The following PARD3B variants were observed in gnomAD, a reference collection of about 807,000 sequenced individuals.
PARD3B encodes partitioning defective 3 homolog B.
A neutral mutation model predicts 130.2 loss-of-function variants in PARD3B; 103 were observed. The observed-to-expected ratio is 0.79, with a 90% CI of 0.67 to 0.93. The LOEUF is 0.93. PARD3B is among the 40% of genes least tolerant of loss of function. PARD3B has a pLI of 0.00. For synonymous variants in PARD3B, 583 were observed against 553.2 expected, an observed-to-expected ratio of 1.05 and a Z score of -0.76; for missense variants, 1,609 against 1,499.2, an observed-to-expected ratio of 1.07 and a Z score of -1.21.
intron 4 of PARD3B, among the ~76,000 whole-genome samples, chr2:205,073,875 C>G (rs572126827): frequency 6.6e-6 from 1 of 152,222 alleles, no homozygotes; most frequent in South Asian, 2.1e-4. Flanking sequence ...TGTAGTTTCA[C>G]TGCTTATAAA....
chr2:205,033,461 A>T (rs1697569690), intron 3 of PARD3B, among the ~76,000 whole-genome samples: 1 of 152,082 alleles, frequency 6.6e-6, no homozygotes, highest in Admixed American at 6.6e-5. Flanking sequence ...ACACTCCCAA[A>T]TTAAGGCTTT....
At chr2:205,026,221 T>C (rs1222240370) in intron 3 of PARD3B, among the ~76,000 whole-genome samples, 1 of 152,140 alleles carries the variant, frequency 6.6e-6, no homozygotes, top group Non-Finnish European at 1.5e-5. Flanking sequence ...GAGAACATTC[T>C]ACGCAGAGGG....
At chr2:205,319,713 A>G (rs905872596) in intron 18 of PARD3B, among the ~76,000 whole-genome samples, 2 of 152,184 alleles carry the variant, frequency 1.3e-5, no homozygotes, top group Admixed American at 6.5e-5. Context: ...CATAGTGTAC[A>G]TTCAACAATG....
intron 10 of PARD3B, among the ~76,000 whole-genome samples, chr2:205,131,961 T>C (rs2032043745): frequency 6.6e-6 from 1 of 152,154 alleles, no homozygotes; most frequent in African/African-American, 2.4e-5. Flanking sequence ...CTATCACTTA[T>C]TGATTAAATG....
At chr2:205,573,741 CT>C (rs1032012359) in intron 22 of PARD3B, among the ~76,000 whole-genome samples, 2 of 152,046 alleles carry the variant, frequency 1.3e-5, no homozygotes, top group East Asian at 1.9e-4. Context: ...AAAAAGCCAA[CT>C]TTTTTTTACA....
intron 2 of PARD3B, among the ~76,000 whole-genome samples, chr2:204,940,621 G>T (rs1477106597): frequency 6.6e-6 from 1 of 152,134 alleles, no homozygotes; most frequent in African/African-American, 2.4e-5. Context: ...TTATTAGCAG[G>T]TACTGCTTGG....
In PARD3B at chr2:205,090,417, T is replaced by G. The variant is rs566377419; in HGVS notation, c.505-14009T>G. Among the ~76,000 whole-genome samples, 13 of 152,364 alleles carry G rather than the reference T, an allele frequency of 8.5e-5. No homozygotes were observed. The East Asian group carries it at 2.5e-3, about 29-fold the overall frequency. On this transcript the variant is annotated intron_variant, in intron 4 of 22. Transcript: ENST00000406610. ...TGTTTTTAACCATTCCTTGTTATTATTCTCATAACATATTAAAAGTACAGT... is the reference window on the plus strand; with the variant it reads ...TGTTTTTAACCATTCCTTGTTATTAGTCTCATAACATATTAAAAGTACAGT...
chr2:205,355,881 T>TA (rs1344044552), intron 18 of PARD3B, among the ~76,000 whole-genome samples: 1 of 152,076 alleles, frequency 6.6e-6, no homozygotes, highest in South Asian at 2.1e-4. Context: ...GAGCCCCTTA[T>TA]AAAAACCATC....
intron 1 of PARD3B, among the ~76,000 whole-genome samples, chr2:204,642,459 G>T (rs1204649486): frequency 6.6e-6 from 1 of 152,176 alleles, no homozygotes; most frequent in Non-Finnish European, 1.5e-5. Context: ...TGCAGGAAAG[G>T]TTGGTAATTC....
intron 4 of PARD3B, among the ~76,000 whole-genome samples, chr2:205,071,026 T>A (rs1418246427): frequency 1.3e-5 from 2 of 152,158 alleles, no homozygotes; most frequent in Non-Finnish European, 2.9e-5. Context: ...AATTTGGGGT[T>A]TTAAATGGCC....
intron 2 of PARD3B, among the ~76,000 whole-genome samples, chr2:204,952,245 A>G (rs1042918206): frequency 6.6e-6 from 1 of 152,226 alleles, no homozygotes; most frequent in Non-Finnish European, 1.5e-5. Flanking sequence ...TTATTTGTGC[A>G]TATTTTTATT....
At chr2:204,626,412 C>A (rs1559193030) in intron 1 of PARD3B, among the ~76,000 whole-genome samples, 2 of 152,122 alleles carry the variant, frequency 1.3e-5, no homozygotes, top group Non-Finnish European at 2.9e-5. Flanking sequence ...CTTTCACATT[C>A]ATCTGCTACT....
chr2:205,395,369 A>G (rs945279302), intron 18 of PARD3B, among the ~76,000 whole-genome samples: 3 of 152,156 alleles, frequency 2.0e-5, no homozygotes, highest in African/African-American at 4.8e-5. Flanking sequence ...CAGCATTCCC[A>G]TCTGTTGACT....
At position 205,188,663 on chromosome 2, in the gene PARD3B, G is replaced by A. The variant is rs1349416798; in HGVS notation, c.2024+2800G>A. Among the ~76,000 whole-genome samples the A allele has an allele frequency of 7.9e-5, 12 of 152,174 alleles. 1 individual carries two copies. The East Asian group carries it at 2.3e-3, about 30-fold the overall frequency. On this transcript the variant is annotated intron_variant, in intron 14 of 22. Coordinates refer to ENST00000406610, the MANE Select transcript of PARD3B (RefSeq NM_001302769.2). Reference sequence around the variant, plus strand: ...TGTGACCTGCACCATCCTGCAAGCTGCTGCGTTGCCTAGGTGACCAGCAGC... The same window carrying A: ...TGTGACCTGCACCATCCTGCAAGCTACTGCGTTGCCTAGGTGACCAGCAGC...
At chr2:204,835,453 C>T (rs2043994115) in intron 2 of PARD3B, among the ~76,000 whole-genome samples, 2 of 152,168 alleles carry the variant, frequency 1.3e-5, no homozygotes, top group East Asian at 1.9e-4. Flanking sequence ...CCCTGCCCCT[C>T]CTTACCTCTC....
At chr2:205,399,492 C>A (rs201485117) in intron 18 of PARD3B, among the ~76,000 whole-genome samples, 1 of 151,482 alleles carries the variant, frequency 6.6e-6, no homozygotes, top group African/African-American at 2.4e-5. Flanking sequence ...GTAACTGGGA[C>A]TACAGGCATG....
intron 2 of PARD3B, among the ~76,000 whole-genome samples, chr2:204,918,656 T>C (rs944285876): frequency 4.0e-5 from 6 of 151,880 alleles, no homozygotes; most frequent in African/African-American, 1.5e-4. Flanking sequence ...AAGAAAATGC[T>C]TTTTTTACTT....
chr2:204,951,621 T>C (rs1689779633), intron 2 of PARD3B, among the ~76,000 whole-genome samples: 1 of 152,242 alleles, frequency 6.6e-6, no homozygotes, highest in Non-Finnish European at 1.5e-5. Context: ...TTCCTGATTC[T>C]TTGAGAAGTG....
intron 18 of PARD3B, among the ~76,000 whole-genome samples, chr2:205,360,449 C>T (rs2044348806): frequency 6.6e-6 from 1 of 151,422 alleles, no homozygotes; most frequent in Non-Finnish European, 1.5e-5. Flanking sequence ...ACAAAAAATA[C>T]TTTCCTACAT....
Sources: gnomAD v4.1 joint callset for allele counts (sites outside exome capture counted in the v4.1 genomes callset) on GRCh38, gnomAD v4.1.1 for gene constraint, MANE v1.5 for transcripts, NCBI Gene and HGNC (gene_info 2026-07-23, HGNC 2026-07-21) for gene names.